MARCHF11: variants seen among roughly 807,000 people sequenced by gnomAD.
MARCHF11 encodes membrane associated ring-CH-type finger 11.
Under a neutral mutation model 37.3 loss-of-function variants are expected in MARCHF11, and 29 were observed. The observed-to-expected ratio is 0.78, with a 90% confidence interval of 0.58 to 1.06. MARCHF11 has a LOEUF of 1.06. Among genes scored for constraint, MARCHF11 ranks in the 50% least tolerant of loss-of-function variants. The pLI is 0.00. For missense variants in MARCHF11, 482 were observed against 533.4 expected (o/e 0.90, Z 0.95); for synonymous variants, 233 against 228.0 (o/e 1.02, Z -0.20).
chr5:16,071,420 G>A (rs1938468722), intron 3 of MARCHF11, among the ~76,000 whole-genome samples: 1 of 152,148 alleles, frequency 6.6e-6, no homozygotes. Context: ...TTACTGAAGC[G>A]CAAAGAAACA....
At chr5:16,132,101 A>G (rs1268794542) in intron 2 of MARCHF11, among the ~76,000 whole-genome samples, 1 of 152,226 alleles carries the variant, frequency 6.6e-6, no homozygotes, top group Admixed American at 6.5e-5. Flanking sequence ...GACTGTGGAG[A>G]CTGACCAGAT....
intron 2 of MARCHF11, among the ~76,000 whole-genome samples, chr5:16,135,142 C>A (rs896379085): frequency 5.9e-5 from 9 of 152,246 alleles, no homozygotes; most frequent in Non-Finnish European, 7.4e-5. Flanking sequence ...AACTTAACAG[C>A]TTTGGGCCAG....
chr5:16,161,576 A>G (rs551892817), intron 2 of MARCHF11, among the ~76,000 whole-genome samples: 2 of 152,072 alleles, frequency 1.3e-5, no homozygotes, highest in South Asian at 4.1e-4. Context: ...TCACCCTTCA[A>G]AACTCCTTTA....
intron 2 of MARCHF11, among the ~76,000 whole-genome samples, chr5:16,177,345 C>A (rs901682730): frequency 3.9e-5 from 6 of 152,232 alleles, no homozygotes; most frequent in Middle Eastern, 3.4e-3. Context: ...ATAAATGGAG[C>A]CCATTAGAGC....
intron 2 of MARCHF11, among the ~76,000 whole-genome samples, chr5:16,167,156 ACGTG>A (rs1436726516): frequency 3.9e-5 from 2 of 51,604 alleles, no homozygotes; most frequent in African/African-American, 5.2e-5. Flanking sequence ...CTGTATACAC[ACGTG>A]TGTGTGTGTG....
chr5:16,123,620 T>A (rs904367667), intron 2 of MARCHF11, among the ~76,000 whole-genome samples: 3 of 152,180 alleles, frequency 2.0e-5, no homozygotes, highest in African/African-American at 4.8e-5. Flanking sequence ...TTTGGTTGCA[T>A]GGTGATGTTG....
intron 2 of MARCHF11, among the ~76,000 whole-genome samples, chr5:16,112,151 A>G (rs571653989): frequency 6.6e-6 from 1 of 152,278 alleles, no homozygotes; most frequent in South Asian, 2.1e-4. Context: ...CCCCACATGG[A>G]GTCCCCACTG....
At chr5:16,101,023 C>A (rs1736945825) in intron 2 of MARCHF11, among the ~76,000 whole-genome samples, 1 of 151,802 alleles carries the variant, frequency 6.6e-6, no homozygotes, top group African/African-American at 2.4e-5. Context: ...TTGCCGACTA[C>A]AGGGTACAGA....
chr5:16,142,554 C>G (rs961979224), intron 2 of MARCHF11, among the ~76,000 whole-genome samples: 1 of 152,010 alleles, frequency 6.6e-6, no homozygotes, highest in Non-Finnish European at 1.5e-5. Flanking sequence ...ATCCAGGTTT[C>G]GAGGGAGTAT....
At chr5:16,124,937 C>A (rs1051125705) in intron 2 of MARCHF11, among the ~76,000 whole-genome samples, 6 of 151,346 alleles carry the variant, frequency 4.0e-5, no homozygotes, top group African/African-American at 1.5e-4. Flanking sequence ...TTTTGGCTGG[C>A]ATTCTGTCGA....
chr5:16,158,821 C>G (rs185977896), intron 2 of MARCHF11, among the ~76,000 whole-genome samples: 1 of 151,836 alleles, frequency 6.6e-6, no homozygotes, highest in African/African-American at 2.4e-5. Flanking sequence ...GATATTAAGC[C>G]CAGCATGCAT....
At position 16,179,607 on chromosome 5, in the gene MARCHF11, G is replaced by A; in HGVS notation, c.-32C>T. On this transcript the variant is annotated 5_prime_UTR_variant, in exon 1 of 4. Transcript: ENST00000332432. ...GCCGCCGCCGCCCTCCTGCCGGCCC[G>A]GCTGGCGGGCCGGGCTCTGGCTGCA... is the stretch of plus-strand genomic sequence containing the variant. The A allele has an allele frequency of 1.7e-6, 2 of 1,151,488 alleles. No individual in the cohort carries two copies. The highest frequency in any genetic ancestry group is 8.5e-5 in the South Asian group (2 of 23,424). 71.3% of individuals were successfully genotyped at this position (1,151,488 alleles called of 1,614,324 possible).
chr5:16,135,880 TAAAAAAA>T (rs11345766), intron 2 of MARCHF11, among the ~76,000 whole-genome samples: 1 of 119,704 alleles, frequency 8.4e-6, no homozygotes, highest in East Asian at 2.3e-4. Context: ...GAAAGAGATT[TAAAAAAA>T]AAAAAAAAAA....
At chr5:16,141,641 G>C (rs1245485728) in intron 2 of MARCHF11, 1 of 152,142 alleles carries the variant, frequency 6.6e-6, no homozygotes, top group Non-Finnish European at 1.5e-5. Context: ...AAACAGCTTG[G>C]GACACCCTTG....
In MARCHF11 at chr5:16,179,274, T is replaced by C. The variant is rs2126614955; in HGVS notation, c.302A>G (p.Asp101Gly). 2 of 1,304,350 alleles carry C rather than the reference T, an allele frequency of 1.5e-6. No individual in the cohort carries two copies. Among genetic ancestry groups the C allele is most frequent in the Non-Finnish European group, 2.0e-6 (2 of 1,024,886 alleles). The allele number at this position is 1,304,350 out of a possible 1,614,324, so 80.8% of individuals were successfully genotyped here. The change falls in exon 1 of 4, where the codon GAC (aspartate) becomes GGC (glycine). Residue 101 changes from aspartate (D) to glycine (G), a missense_variant. Transcript: ENST00000332432. ...PAGQEVAAAG[D>G]SGEGPRRLPE... is the part of the protein sequence containing the mutation. ...GAGGCGCCTCGGACCTTCCCCGGAG[T>C]CGCCGGCCGCCGCCACTTCCTGGCC...
intron 3 of MARCHF11, among the ~76,000 whole-genome samples, chr5:16,079,312 CT>C (rs1560968201): frequency 6.6e-6 from 1 of 152,220 alleles, no homozygotes; most frequent in Non-Finnish European, 1.5e-5. Context: ...CTTCCACCTC[CT>C]AAAGACTTTG....
intron 3 of MARCHF11, among the ~76,000 whole-genome samples, chr5:16,076,540 C>G (rs1014670801): frequency 6.6e-6 from 1 of 152,146 alleles, no homozygotes; most frequent in African/African-American, 2.4e-5. Context: ...AGTTCTGTCT[C>G]TCAATTCTTG....
intron 2 of MARCHF11, chr5:16,141,296 G>A (rs1222004041): frequency 6.6e-6 from 1 of 152,062 alleles, no homozygotes; most frequent in Non-Finnish European, 1.5e-5. Flanking sequence ...ACTACTCTAG[G>A]CACTGGACAT....
At chr5:16,172,819 A>G (rs1738292736) in intron 2 of MARCHF11, among the ~76,000 whole-genome samples, 1 of 152,158 alleles carries the variant, frequency 6.6e-6, no homozygotes, top group East Asian at 1.9e-4. Context: ...AGTTCTATGT[A>G]TGTATGTCTT....
Sources: allele counts gnomAD v4.1 joint callset (sites outside exome capture counted in the v4.1 genomes callset), GRCh38; gene constraint gnomAD v4.1.1; transcripts MANE v1.5; gene names NCBI Gene and HGNC (gene_info 2026-07-23, HGNC 2026-07-21).